The following IFNG-AS1 variants were observed in gnomAD, a reference collection of about 807,000 sequenced individuals.
IFNG-AS1 encodes IFNG antisense RNA 1 (non-protein coding).
chr12:68,018,180 T>A (rs923732713), intron 3 of IFNG-AS1, among the ~76,000 whole-genome samples: 9 of 152,136 alleles, frequency 5.9e-5, no homozygotes, highest in African/African-American at 2.2e-4. Flanking sequence ...CACCATAGAA[T>A]TTACCACATG....
intron 3 of IFNG-AS1, among the ~76,000 whole-genome samples, chr12:68,008,300 C>T (rs1879951294): frequency 6.6e-6 from 1 of 151,864 alleles, no homozygotes. Context: ...CCTGTAGTCC[C>T]AGCTACTCGG....
intron 3 of IFNG-AS1, among the ~76,000 whole-genome samples, chr12:68,013,934 C>T (rs1880089804): frequency 6.6e-6 from 1 of 152,142 alleles, no homozygotes; most frequent in African/African-American, 2.4e-5. Flanking sequence ...TTTTACCCCT[C>T]GCTCCCCTCC....
intron 3 of IFNG-AS1, among the ~76,000 whole-genome samples, chr12:68,012,337 C>T (rs1880051552): frequency 6.6e-6 from 1 of 152,138 alleles, no homozygotes; most frequent in African/African-American, 2.4e-5. Context: ...TCTTCTATCC[C>T]ATTTGCATTC....
In IFNG-AS1 at chr12:68,003,764, G is replaced by T. The variant is rs777606919; in HGVS notation, n.185-2326G>T. 3.3e-5 allele frequency among the ~76,000 whole-genome samples: 5 copies of T among 152,084 alleles called. No homozygotes were observed. The South Asian group carries it at 1.0e-3, about 32-fold the overall frequency. Reference sequence around the variant, plus strand: ...CCCGTCTCTACTAAAAAAATTAGCCGGGCATGGTAGCGGGTGTCTGTAGTC... The same window carrying T: ...CCCGTCTCTACTAAAAAAATTAGCCTGGCATGGTAGCGGGTGTCTGTAGTC... On this transcript the variant is annotated intron_variant and non_coding_transcript_variant, in intron 2 of 5. Transcript: ENST00000536914.
At chr12:67,990,420 T>G (rs1879477827) in intron 1 of IFNG-AS1, among the ~76,000 whole-genome samples, 1 of 152,162 alleles carries the variant, frequency 6.6e-6, no homozygotes, top group Non-Finnish European at 1.5e-5. Context: ...TCCATATAAA[T>G]CCTCTCTGAG....
intron 2 of IFNG-AS1, among the ~76,000 whole-genome samples, chr12:68,002,516 T>C (rs1312869347): frequency 6.6e-6 from 1 of 152,190 alleles, no homozygotes; most frequent in Admixed American, 6.5e-5. Flanking sequence ...GGTGCATACA[T>C]GGAAAAGGGG....
At chr12:68,018,939 C>T (rs971044) in intron 3 of IFNG-AS1, among the ~76,000 whole-genome samples, 144,654 of 152,100 alleles carry the variant, frequency 0.95, 69,130 homozygotes, top group Non-Finnish European at 1. Flanking sequence ...GTTTTTACCA[C>T]GCCTTTGAGT....
chr12:68,009,803 A>G (rs1879985089), intron 3 of IFNG-AS1, among the ~76,000 whole-genome samples: 1 of 152,070 alleles, frequency 6.6e-6, no homozygotes, highest in Non-Finnish European at 1.5e-5. Context: ...TCATCATCTC[A>G]TCCAGTGTGT....
chr12:67,995,724 A>G (rs1356490021), intron 1 of IFNG-AS1, among the ~76,000 whole-genome samples: 2 of 147,408 alleles, frequency 1.4e-5, no homozygotes, highest in Non-Finnish European at 3.0e-5. Context: ...TCGGTCTCCA[A>G]AAAAAAAAAA....
At chr12:68,018,486 G>T (rs1031052409) in intron 3 of IFNG-AS1, among the ~76,000 whole-genome samples, 4 of 152,082 alleles carry the variant, frequency 2.6e-5, no homozygotes, top group Admixed American at 2.6e-4. Flanking sequence ...TGGCTATTTA[G>T]GCCCAAACTT....
rs78045922 is a variant in IFNG-AS1, at chr12:68,002,132, G to T, written n.185-3958G>T. ...GCAATCTTTATCTAGCAAAACAGGG[G>T]TGAGCTGGTCTAGAATCAATGAGAC... is the stretch of plus-strand genomic sequence containing the variant. On this transcript the variant is annotated intron_variant and non_coding_transcript_variant, in intron 2 of 5. Coordinates refer to ENST00000536914, the Ensembl canonical transcript of IFNG-AS1. Among the ~76,000 whole-genome samples the T allele has an allele frequency of 4.9e-3, 740 of 152,272 alleles. 6 individuals are homozygous for T. The highest frequency in any genetic ancestry group is 0.017 in the African/African-American group (690 of 41,554).
intron 2 of IFNG-AS1, among the ~76,000 whole-genome samples, chr12:67,997,337 T>C (rs145659664): frequency 0.02 from 3,093 of 152,092 alleles, 39 homozygotes; most frequent in Non-Finnish European, 0.031. Context: ...GCCCAGAAAT[T>C]GACTCAAGTA....
intron 3 of IFNG-AS1, among the ~76,000 whole-genome samples, chr12:68,018,019 T>C (rs755235262): frequency 6.6e-6 from 1 of 152,166 alleles, no homozygotes; most frequent in Non-Finnish European, 1.5e-5. Flanking sequence ...GCCTTTTGCT[T>C]GATGTGTTCA....
At chr12:67,991,652 C>G (rs1879515757) in intron 1 of IFNG-AS1, among the ~76,000 whole-genome samples, 1 of 152,194 alleles carries the variant, frequency 6.6e-6, no homozygotes. Context: ...ATGTTAAACC[C>G]AGAACTTTTG....
At chr12:68,006,930 C>G (rs771727301) in intron 3 of IFNG-AS1, among the ~76,000 whole-genome samples, 4 of 152,182 alleles carry the variant, frequency 2.6e-5, no homozygotes, top group African/African-American at 4.8e-5. Context: ...CCCATGGAAA[C>G]TGTGAAATAA....
At chr12:68,018,363 A>G (rs563959568) in intron 3 of IFNG-AS1, among the ~76,000 whole-genome samples, 1 of 152,202 alleles carries the variant, frequency 6.6e-6, no homozygotes, top group Non-Finnish European at 1.5e-5. Context: ...AATTAAAAGC[A>G]TAATACTCTC....
chr12:68,014,555 C>A (rs890592742), intron 3 of IFNG-AS1, among the ~76,000 whole-genome samples: 1 of 152,106 alleles, frequency 6.6e-6, no homozygotes, highest in Non-Finnish European at 1.5e-5. Context: ...TGATGTTGAG[C>A]ATTTTTTCAT....
At chr12:68,015,188 A>G (rs1459788225) in intron 3 of IFNG-AS1, among the ~76,000 whole-genome samples, 1 of 152,176 alleles carries the variant, frequency 6.6e-6, no homozygotes, top group Admixed American at 6.5e-5. Flanking sequence ...AGATGGACAC[A>G]AAGCTTTTAG....
intron 2 of IFNG-AS1, among the ~76,000 whole-genome samples, chr12:68,003,750 TA>T (rs1215869663): frequency 2.0e-5 from 3 of 151,874 alleles, no homozygotes; most frequent in African/African-American, 7.3e-5. Context: ...CCGTCTCTAC[TA>T]AAAAAATTAG....
Sources: allele counts gnomAD v4.1 joint callset (sites outside exome capture counted in the v4.1 genomes callset), GRCh38; gene constraint gnomAD v4.1.1; transcripts MANE v1.5; gene names NCBI Gene and HGNC (gene_info 2026-07-23, HGNC 2026-07-21).